FAM98B: variants seen among roughly 807,000 people sequenced by gnomAD.
FAM98B encodes the protein tRNA-splicing ligase complex subunit FAM98B.
Under a neutral mutation model 43.9 loss-of-function variants are expected in FAM98B, and 32 were observed. The observed-to-expected ratio is 0.73, with a 90% CI of 0.55 to 0.98. FAM98B has a LOEUF of 0.98. Among genes scored for constraint, FAM98B ranks in the 50% least tolerant of loss-of-function variants. FAM98B has a pLI of 0.00. For missense variants in FAM98B, 514 were observed against 522.9 expected (o/e 0.98, Z 0.17); for synonymous variants, 190 against 174.0 (o/e 1.09, Z -0.72).
At chr15:38,460,529 C>T (rs1889930840) in intron 1 of FAM98B, among the ~76,000 whole-genome samples, 2 of 152,128 alleles carry the variant, frequency 1.3e-5, no homozygotes, top group Admixed American at 1.3e-4. Context: ...ATCATTCCAG[C>T]TCTACTGAAT....
At chr15:38,484,131 C>T (rs576206461) in intron 7 of FAM98B, 124 bp from the exon 8 acceptor site, 73 of 791,674 alleles carry the variant, frequency 9.2e-5, no homozygotes, top group Non-Finnish European at 1.3e-4. Context: ...ATTTGTTCTG[C>T]CATGTCTGGT....
chr15:38,477,936 C>T (rs779433123), intron 6 of FAM98B, among the ~76,000 whole-genome samples: 8 of 152,142 alleles, frequency 5.3e-5, no homozygotes, highest in South Asian at 2.1e-4. Context: ...GAAGCACCAG[C>T]ATTACTGAGC....
intron 6 of FAM98B, among the ~76,000 whole-genome samples, chr15:38,475,583 TTCTC>T (rs377320547): frequency 6.6e-6 from 1 of 151,418 alleles, no homozygotes; most frequent in African/African-American, 2.4e-5. Context: ...CTTCCAGCCT[TTCTC>T]TCTCTCTCTG....
rs1189110483 is a variant in FAM98B at position 38,475,122 on chromosome 15, T to C, written c.729+824T>C. Among the ~76,000 whole-genome samples, 7 of 152,010 alleles carry C rather than the reference T, an allele frequency of 4.6e-5. No homozygotes were observed. In the East Asian group the frequency reaches 1.3e-3, roughly 29 times the overall value. On this transcript the variant is annotated intron_variant, in intron 6 of 7. Coordinates refer to ENST00000397609, the MANE Select transcript of FAM98B (RefSeq NM_173611.4). ...GTTCTTCTGCCCCATGCTGGATCAG[T>C]TGGGGTCACTTATGCCAGCAGTTCC...
chr15:38,459,421 AG>A (rs1889910365), intron 1 of FAM98B: 1 of 376,048 alleles, frequency 2.7e-6, no homozygotes, highest in Non-Finnish European at 5.3e-6. Flanking sequence ...ATAGCAGACA[AG>A]GGCCTTGAAG....
intron 7 of FAM98B, chr15:38,483,591 A>G (rs1365039416): frequency 2.0e-5 from 3 of 147,112 alleles, no homozygotes; most frequent in African/African-American, 7.5e-5. Flanking sequence ...GCGTGAACCC[A>G]GGAGGCAGAG....
At chr15:38,454,407 T>C (rs78334361) in intron 1 of FAM98B, among the ~76,000 whole-genome samples, 175 bp downstream of exon 1, 2,351 of 152,192 alleles carry the variant, frequency 0.015, 67 homozygotes, top group African/African-American at 0.053. Context: ...AGAAATCTAT[T>C]TGGGGGGTGG....
intron 1 of FAM98B, among the ~76,000 whole-genome samples, chr15:38,463,052 C>T (rs1455242744): frequency 6.6e-6 from 1 of 152,084 alleles, no homozygotes; most frequent in Non-Finnish European, 1.5e-5. Flanking sequence ...TTATCTGTGA[C>T]TTTATAATGT....
At chr15:38,479,154 G>C (rs953734735) in intron 6 of FAM98B, among the ~76,000 whole-genome samples, 2 of 152,044 alleles carry the variant, frequency 1.3e-5, no homozygotes, top group African/African-American at 4.8e-5. Flanking sequence ...TTTTTATAGA[G>C]ACAGGGTTTT....
chr15:38,457,347 G>A (rs1055284654), intron 1 of FAM98B, among the ~76,000 whole-genome samples: 1 of 152,116 alleles, frequency 6.6e-6, no homozygotes, highest in East Asian at 1.9e-4. Flanking sequence ...TATTTATTGA[G>A]CACCAAAATG....
chr15:38,459,327 G>A (rs1889908766), intron 1 of FAM98B: 1 of 490,424 alleles, frequency 2.0e-6, no homozygotes, highest in Non-Finnish European at 4.1e-6. Context: ...CACTGGAGCA[G>A]ATCCGACTTA....
Position 38,473,548 on chromosome 15 carries a change from A to T in FAM98B, c.575A>T (p.Lys192Ile). ...AAGGTCCAGAAAAATCATGTGGGAA[A>T]ACCACTGCTGAAAATGGATTTAAAT... ...LSKVQKNHVG[K>I]PLLKMDLNSE... Residue 192 changes from lysine (K) to isoleucine (I), a missense_variant, in exon 5 of 8, where the codon AAA (lysine) becomes ATA (isoleucine). Around this residue, in one of 2 missense-constraint regions of FAM98B, gnomAD observed 469 missense variants for 451.8 expected, o/e 1.04. Transcript: ENST00000397609. 6.2e-7 allele frequency: 1 copy of T among 1,611,268 alleles called. No individual in the cohort carries two copies. Among genetic ancestry groups the T allele is most frequent in the Non-Finnish European group, 8.5e-7 (1 of 1,178,838 alleles).
intron 6 of FAM98B, among the ~76,000 whole-genome samples, chr15:38,477,029 T>A (rs889956206): frequency 6.6e-5 from 10 of 151,932 alleles, no homozygotes; most frequent in Non-Finnish European, 1.5e-4. Flanking sequence ...GCAGGTGCTG[T>A]GCTCACACCT....
At chr15:38,475,242 A>G (rs1007376419) in intron 6 of FAM98B, among the ~76,000 whole-genome samples, 2 of 151,918 alleles carry the variant, frequency 1.3e-5, no homozygotes, top group South Asian at 2.1e-4. Flanking sequence ...AAACTGTTCC[A>G]CCTCAGATCA....
At chr15:38,458,653 G>C (rs937185105) in intron 1 of FAM98B, 1 of 189,664 alleles carries the variant, frequency 5.3e-6, no homozygotes, top group Non-Finnish European at 1.1e-5. Context: ...CCCATGTGGT[G>C]AGGCCCTCCA....
chr15:38,458,544 C>T (rs563294431), intron 1 of FAM98B, among the ~76,000 whole-genome samples: 6 of 152,272 alleles, frequency 3.9e-5, no homozygotes, highest in South Asian at 2.1e-4. Flanking sequence ...CCCAACAACT[C>T]GGGAGCAGGT....
intron 1 of FAM98B, among the ~76,000 whole-genome samples, chr15:38,456,162 G>A (rs939851384): frequency 6.6e-6 from 1 of 152,170 alleles, no homozygotes; most frequent in Non-Finnish European, 1.5e-5. Flanking sequence ...AGTGATACAG[G>A]TGAAAACAGG....
intron 5 of FAM98B, 35 bp from the exon 6 acceptor site, chr15:38,474,147 C>G: frequency 1.4e-6 from 2 of 1,467,278 alleles, no homozygotes; most frequent in Non-Finnish European, 1.9e-6. Context: ...ATGAAAGAAT[C>G]TAAAGTTTAT....
At chr15:38,473,725 A>T in intron 5 of FAM98B, 140 bp downstream of exon 5, 1 of 641,736 alleles carries the variant, frequency 1.6e-6, no homozygotes. Context: ...ATTCTGGAGT[A>T]ATATGTCCTA....
Sources: allele counts gnomAD v4.1 joint callset (sites outside exome capture counted in the v4.1 genomes callset), GRCh38; gene constraint gnomAD v4.1.1; regional missense constraint gnomAD v4.1.1; transcripts MANE v1.5; gene names NCBI Gene and HGNC (gene_info 2026-07-23, HGNC 2026-07-21).